Variants in ASAH1 observed in about 807,000 individuals in gnomAD.
ASAH1 encodes acid ceramidase.
In ASAH1, 70 loss-of-function variants were observed where a neutral mutation model predicts 59.5. The ratio of observed to expected loss-of-function variants is 1.18; its 90% CI spans 0.97 to 1.43. ASAH1 has a LOEUF of 1.43. Ranked by LOEUF, ASAH1 falls within the 40% of genes most tolerant of loss-of-function variation. ASAH1 has a pLI of 0.00. For missense variants in ASAH1, 660 were observed against 482.5 expected (o/e 1.37, Z -3.45); for synonymous variants, 213 against 166.5 (o/e 1.28, Z -2.15).
At position 18,063,229 on chromosome 8, in the gene ASAH1, A is replaced by T. The variant is rs190522322; in HGVS notation, c.459T>A (p.Gly153=). ...CTSIVAEDKK[G]HLIHGRNMDF... is the part of the protein sequence containing the mutation. ...CCATGTTTCTCCCATGTATTAGATG[A>T]CCTATTTGAAGGTAGACAGAAGAGA... The change falls in exon 7 of 14, where the codon GGT becomes GGA. Residue 153 remains glycine (G), a splice_region_variant and synonymous_variant. Transcript: ENST00000637790. The T allele has an allele frequency of 1.8e-4, 286 of 1,613,308 alleles. No individual in the cohort carries two copies. Among genetic ancestry groups the T allele is most frequent in the Middle Eastern group, 5.0e-4 (3 of 6,060 alleles).
intron 9 of ASAH1, 111 bp from the exon 10 acceptor site, chr8:18,061,569 A>T (rs1799701108): frequency 6.9e-7 from 1 of 1,454,030 alleles, no homozygotes; most frequent in Non-Finnish European, 9.6e-7. Context: ...AAGAGGTTAG[A>T]CTTTGTAACC....
upstream of ASAH1, chr8:18,084,875 G>T (rs1252266080): frequency 1.3e-6 from 2 of 1,583,564 alleles, no homozygotes; most frequent in East Asian, 2.3e-5. Flanking sequence ...GGAGGAGGCG[G>T]ACGCGAGTAG....
At chr8:18,063,942 A>G (rs187717584) in intron 6 of ASAH1, 31 of 173,746 alleles carry the variant, frequency 1.8e-4, no homozygotes, top group Non-Finnish European at 1.5e-4. Flanking sequence ...GCAGATTTAT[A>G]CCCAGAGTAT....
intron 8 of ASAH1, chr8:18,062,016 C>A (rs954218435): frequency 2.1e-5 from 13 of 619,132 alleles, no homozygotes; most frequent in Non-Finnish European, 3.6e-5. Context: ...GCGGAAGACC[C>A]AGGACTAGAA....
In ASAH1 at chr8:18,084,097, A is replaced by G; in HGVS notation, c.-39T>C. The G allele has an allele frequency of 6.3e-7, 1 of 1,596,714 alleles. No individual in the cohort carries two copies. The highest frequency in any genetic ancestry group is 8.5e-7 in the Non-Finnish European group (1 of 1,179,092). On this transcript the variant is annotated 5_prime_UTR_variant, in exon 1 of 14. Coordinates refer to ENST00000637790, the MANE Select transcript of ASAH1 (RefSeq NM_177924.5). ...AACGCCACTCCCCGGACTCCAGCAGAGGCAAAGAAGAGCCGGCTGGGCCGG... is the reference window on the plus strand; with the variant it reads ...AACGCCACTCCCCGGACTCCAGCAGGGGCAAAGAAGAGCCGGCTGGGCCGG...
chr8:18,075,424 G>T, intron 2 of ASAH1, 117 bp downstream of exon 2: 1 of 1,110,750 alleles, frequency 9.0e-7, no homozygotes, highest in South Asian at 1.2e-5. Context: ...CTCTGTCTCG[G>T]AATGGGAAAC....
intron 1 of ASAH1, chr8:18,076,791 G>A (rs1800421360): frequency 6.6e-6 from 1 of 152,198 alleles, no homozygotes; most frequent in Non-Finnish European, 1.5e-5. Context: ...CTGGACAGCT[G>A]TGTAAGAATG....
At position 18,083,968 on chromosome 8, in the gene ASAH1, C is replaced by A; in HGVS notation, c.78+13G>T. ...GCACGCCCCTCTCTGCGCCTCGGCT[C>A]AAGCTCACTCACCGGCGGCGCGTGC... On this transcript the variant is annotated intron_variant, in intron 1 of 13. Coordinates refer to ENST00000637790, the MANE Select transcript of ASAH1 (RefSeq NM_177924.5). 6.3e-7 allele frequency: 1 copy of A among 1,597,228 alleles called. No individual in the cohort carries two copies. The highest frequency in any genetic ancestry group is 8.5e-7 in the Non-Finnish European group (1 of 1,179,176).
Position 18,084,063 on chromosome 8 carries a change from C to T in ASAH1, c.-5G>A, listed in dbSNP as rs748763820. On this transcript the variant is annotated 5_prime_UTR_variant, in exon 1 of 14. Transcript: ENST00000637790. Reference sequence around the variant, plus strand: ...GACGCAACTCCGGCCCGGCATCGCTCTAGCAGCCAACGCCACTCCCCGGAC... The same window carrying T: ...GACGCAACTCCGGCCCGGCATCGCTTTAGCAGCCAACGCCACTCCCCGGAC... The T allele has an allele frequency of 6.3e-6, 10 of 1,598,498 alleles. No individual in the cohort carries two copies. The highest frequency in any genetic ancestry group is 1.1e-5 in the South Asian group (1 of 91,078).
At position 18,063,168 on chromosome 8, in the gene ASAH1, C is replaced by A. The variant is rs770701839; in HGVS notation, c.503+17G>T. ...CAGGCGTGAACCACCATGCCTGACC[C>A]TTTGTTCTTTACTTACCCAAGAAAT... On this transcript the variant is annotated intron_variant, in intron 7 of 13. Transcript: ENST00000637790. 1 of 1,613,204 alleles carries A rather than the reference C, an allele frequency of 6.2e-7. No individual in the cohort carries two copies. The highest frequency in any genetic ancestry group is 1.7e-5 in the Admixed American group (1 of 60,008).
chr8:18,062,522 C>T (rs538175037), intron 7 of ASAH1, 99 bp from the exon 8 acceptor site: 25 of 1,256,970 alleles, frequency 2.0e-5, no homozygotes, highest in Middle Eastern at 2.1e-4. Context: ...CTTTATTTAC[C>T]GAGTCACCAC....
intron 4 of ASAH1, chr8:18,068,782 C>A (rs1588988352): frequency 1.3e-5 from 2 of 152,434 alleles, no homozygotes; most frequent in East Asian, 3.9e-4. Context: ...AAAAGAGACA[C>A]CCACCCCAGG....
At chr8:18,078,001 G>C (rs1800481228) in intron 1 of ASAH1, among the ~76,000 whole-genome samples, 3 of 152,108 alleles carry the variant, frequency 2.0e-5, no homozygotes, top group South Asian at 4.1e-4. Flanking sequence ...TACACAGCTG[G>C]TGACAGAATC....
At chr8:18,081,742 T>C (rs999066377) in intron 1 of ASAH1, among the ~76,000 whole-genome samples, 1 of 152,252 alleles carries the variant, frequency 6.6e-6, no homozygotes, top group African/African-American at 2.4e-5. Context: ...TTCATATTTA[T>C]TGAAAGTACT....
chr8:18,071,574 A>T (rs1800179634), intron 2 of ASAH1, among the ~76,000 whole-genome samples, 184 bp from the exon 3 acceptor site: 1 of 152,152 alleles, frequency 6.6e-6, no homozygotes, highest in Non-Finnish European at 1.5e-5. Context: ...GAACACAATC[A>T]TAAGCGGTCA....
intron 2 of ASAH1, among the ~76,000 whole-genome samples, chr8:18,072,967 G>C (rs943232940): frequency 1.3e-4 from 20 of 151,922 alleles, no homozygotes; most frequent in African/African-American, 4.8e-4. Context: ...TAGAGTCCTG[G>C]GTAGGTTCAT....
intron 10 of ASAH1, chr8:18,060,832 C>T (rs541839796): frequency 1.2e-5 from 2 of 162,122 alleles, no homozygotes; most frequent in East Asian, 3.5e-4. Flanking sequence ...ACTGCAGTCT[C>T]GACCTCCTTG....
rs1800248363 is a variant in ASAH1, at chr8:18,073,234, A to G, written c.126-1844T>C. On this transcript the variant is annotated intron_variant, in intron 2 of 13. Coordinates refer to ENST00000637790, the MANE Select transcript of ASAH1 (RefSeq NM_177924.5). Reference sequence around the variant, plus strand: ...TTAACTTGTGCGCCTCCATTTCCCCATAAGAATAAAAGAGTATCCACCTTA... The same window carrying G: ...TTAACTTGTGCGCCTCCATTTCCCCGTAAGAATAAAAGAGTATCCACCTTA... 3.2e-6 allele frequency: 5 copies of G among 1,564,038 alleles called. No individual in the cohort carries two copies. The South Asian group carries it at 3.4e-5, about 11-fold the overall frequency.
upstream of ASAH1, chr8:18,084,248 AG>A: frequency 6.8e-7 from 1 of 1,460,636 alleles, no homozygotes; most frequent in Non-Finnish European, 9.0e-7. Flanking sequence ...TGCCACGAAA[AG>A]GGTGGCGTAG....
Sources: gnomAD v4.1 joint callset for allele counts (sites outside exome capture counted in the v4.1 genomes callset) on GRCh38, gnomAD v4.1.1 for gene constraint, MANE v1.5 for transcripts, NCBI Gene and HGNC (gene_info 2026-07-23, HGNC 2026-07-21) for gene names.